Variants in SEMA3E observed in about 807,000 individuals in gnomAD.
SEMA3E encodes the protein semaphorin 3E.
Under a neutral mutation model 93.6 loss-of-function variants are expected in SEMA3E, and 49 were observed. The ratio of observed to expected loss-of-function variants is 0.52; its 90% confidence interval spans 0.42 to 0.66. The LOEUF is 0.66. Ranked by LOEUF, SEMA3E falls within the 30% of genes least tolerant of loss-of-function variation. The probability of loss-of-function intolerance (pLI) is 0.00; values close to 1 mark genes in which losing one functional copy is unlikely to be tolerated. For missense variants in SEMA3E, 906 were observed against 964.8 expected (o/e 0.94, Z 0.81); for synonymous variants, 363 against 330.7 (o/e 1.10, Z -1.06).
intron 2 of SEMA3E, among the ~76,000 whole-genome samples, chr7:83,482,567 A>AT (rs1177953568): frequency 1.6e-3 from 182 of 112,978 alleles, no homozygotes; most frequent in African/African-American, 5.0e-3. Flanking sequence ...TCCGTCTCAA[A>AT]AAAAAAAAAA....
chr7:83,399,749 T>C (rs1299425302), intron 11 of SEMA3E, among the ~76,000 whole-genome samples: 1 of 152,182 alleles, frequency 6.6e-6, no homozygotes, highest in Non-Finnish European at 1.5e-5. Context: ...CTTTGTCAGC[T>C]TCAATATTTC....
At position 83,400,070 on chromosome 7, in the gene SEMA3E, C is replaced by T; in HGVS notation, c.1324G>A (p.Glu442Lys). Reference protein sequence around the residue: ...NLKQIAVDRVEAEDGQYDVLF... With the variant: ...NLKQIAVDRVKAEDGQYDVLF... ...ACGTCATATTGGCCATCCTCAGCTT[C>T]CACTCGATCTACTGCTATTTGTTTC... is the stretch of plus-strand genomic sequence containing the variant. Residue 442 changes from glutamate (E) to lysine (K), a missense_variant, in exon 11 of 17, where the codon GAA becomes AAA. Transcript: ENST00000643230. The T allele has an allele frequency of 6.2e-7, 1 of 1,614,072 alleles. No individual in the cohort carries two copies. The highest frequency in any genetic ancestry group is 8.5e-7 in the Non-Finnish European group (1 of 1,179,966).
chr7:83,588,523 T>C (rs1792682123), intron 1 of SEMA3E, among the ~76,000 whole-genome samples: 1 of 152,174 alleles, frequency 6.6e-6, no homozygotes, highest in Non-Finnish European at 1.5e-5. Flanking sequence ...ACCCAGTTAA[T>C]GTGAAGAATC....
intron 14 of SEMA3E, among the ~76,000 whole-genome samples, chr7:83,389,774 A>G (rs1787960041): frequency 8.2e-6 from 1 of 121,782 alleles, no homozygotes; most frequent in South Asian, 3.0e-4. Context: ...ATATACACGT[A>G]TATATTACAT....
chr7:83,383,759 A>C (rs1787827400), intron 16 of SEMA3E, among the ~76,000 whole-genome samples: 2 of 151,996 alleles, frequency 1.3e-5, no homozygotes, highest in African/African-American at 4.8e-5. Flanking sequence ...TTTCCAAATG[A>C]GGCAGATTAT....
intron 2 of SEMA3E, among the ~76,000 whole-genome samples, chr7:83,480,035 C>A (rs1790113641): frequency 6.6e-6 from 1 of 152,266 alleles, no homozygotes; most frequent in African/African-American, 2.4e-5. Flanking sequence ...GCTTTCAACA[C>A]TTTCAGGTGC....
chr7:83,508,155 T>C lies in SEMA3E; in HGVS notation c.116-17881A>G, dbSNP rs529430524. 9.7e-4 allele frequency among the ~76,000 whole-genome samples: 148 copies of C among 152,286 alleles called. No individual in the cohort carries two copies. The South Asian group carries it at 9.7e-3, about 10-fold the overall frequency. On this transcript the variant is annotated intron_variant, in intron 1 of 16. Transcript: ENST00000643230. The stretch of plus-strand genomic sequence containing the variant: ...TGTAAAGATTAAAACAATATTATTA[T>C]ACCTGAATTGTTAAATGCCTTCAAA...
intron 9 of SEMA3E, among the ~76,000 whole-genome samples, chr7:83,404,125 G>A (rs1788283546): frequency 6.6e-6 from 1 of 151,826 alleles, no homozygotes; most frequent in Non-Finnish European, 1.5e-5. Flanking sequence ...CAGCATAAGG[G>A]AGGAGATGAA....
chr7:83,522,190 CTCTA>C (rs1291324929), intron 1 of SEMA3E, among the ~76,000 whole-genome samples: 7 of 152,082 alleles, frequency 4.6e-5, no homozygotes, highest in African/African-American at 1.7e-4. Flanking sequence ...TACAAAGGTA[CTCTA>C]TCTACAAATT....
chr7:83,463,060 A>G (rs572031746), intron 4 of SEMA3E, among the ~76,000 whole-genome samples: 1 of 149,380 alleles, frequency 6.7e-6, no homozygotes, highest in South Asian at 2.2e-4. Context: ...ACTTCAATCA[A>G]GCCCAAATTT....
At chr7:83,560,942 T>G (rs1792018644) in intron 1 of SEMA3E, among the ~76,000 whole-genome samples, 1 of 152,034 alleles carries the variant, frequency 6.6e-6, no homozygotes, top group Non-Finnish European at 1.5e-5. Flanking sequence ...TAACACTGCT[T>G]TCCAAAGCAT....
chr7:83,433,115 A>T (rs1011674873), intron 4 of SEMA3E, among the ~76,000 whole-genome samples: 2 of 152,062 alleles, frequency 1.3e-5, no homozygotes, highest in Admixed American at 1.3e-4. Flanking sequence ...TTGAAAGACA[A>T]CTCTGTAAAG....
intron 2 of SEMA3E, among the ~76,000 whole-genome samples, chr7:83,481,140 TA>T (rs1003432862): frequency 1.3e-5 from 2 of 152,136 alleles, no homozygotes; most frequent in Non-Finnish European, 2.9e-5. Context: ...CACTTTTTTT[TA>T]AGAGACAAAT....
chr7:83,429,243 A>C (rs940312790), intron 4 of SEMA3E, among the ~76,000 whole-genome samples: 1 of 152,184 alleles, frequency 6.6e-6, no homozygotes, highest in African/African-American at 2.4e-5. Flanking sequence ...CAATTGTCTT[A>C]TTCCTAAAAC....
chr7:83,487,699 G>GTGTGTGTA (rs1554331941), intron 2 of SEMA3E, among the ~76,000 whole-genome samples: 4 of 151,514 alleles, frequency 2.6e-5, no homozygotes, highest in Non-Finnish European at 5.9e-5. Flanking sequence ...GTGTGTGTGT[G>GTGTGTGTA]TGTGTGTGTG....
chr7:83,631,950 G>A (rs1263060177), intron 1 of SEMA3E, among the ~76,000 whole-genome samples: 2 of 152,172 alleles, frequency 1.3e-5, no homozygotes, highest in Admixed American at 1.3e-4. Context: ...GAGGTCAGGA[G>A]TTCGAGACCA....
intron 4 of SEMA3E, among the ~76,000 whole-genome samples, chr7:83,462,743 A>G (rs1789655424): frequency 7.0e-6 from 1 of 143,810 alleles, no homozygotes; most frequent in Non-Finnish European, 1.5e-5. Context: ...CTCTCCTTAC[A>G]ATTCCCCCAT....
At chr7:83,608,028 T>C (rs934592174) in intron 1 of SEMA3E, among the ~76,000 whole-genome samples, 2 of 151,940 alleles carry the variant, frequency 1.3e-5, no homozygotes, top group Non-Finnish European at 2.9e-5. Flanking sequence ...CTGGCCAACA[T>C]GGTGAAACCG....
intron 2 of SEMA3E, among the ~76,000 whole-genome samples, chr7:83,471,866 T>C (rs983887246): frequency 3.9e-5 from 6 of 152,172 alleles, no homozygotes; most frequent in African/African-American, 1.4e-4. Context: ...TTACAGTATA[T>C]ACCTAAATAT....
Sources: allele counts gnomAD v4.1 joint callset (sites outside exome capture counted in the v4.1 genomes callset), GRCh38; gene constraint gnomAD v4.1.1; transcripts MANE v1.5; gene names NCBI Gene and HGNC (gene_info 2026-07-23, HGNC 2026-07-21).